The following TM6SF1 variants were observed in gnomAD, a reference collection of about 807,000 sequenced individuals.
The protein encoded by TM6SF1 is transmembrane 6 superfamily member 1.
In TM6SF1, 43 loss-of-function variants were observed where a neutral mutation model predicts 47.1. The ratio of observed to expected loss-of-function variants is 0.91; its 90% CI spans 0.72 to 1.18. TM6SF1 has a LOEUF of 1.18. Ranked by LOEUF, TM6SF1 falls within the 50% of genes most tolerant of loss-of-function variation. The pLI is 0.00. For missense variants in TM6SF1, 390 were observed against 449.0 expected, an observed-to-expected ratio of 0.87 and a Z score of 1.19; for synonymous variants, 177 against 166.3, an observed-to-expected ratio of 1.06 and a Z score of -0.49.
chr15:83,136,576 C>T lies in TM6SF1; in HGVS notation c.1017C>T (p.Asn339=). The T allele has an allele frequency of 6.2e-7, 1 of 1,613,722 alleles. No homozygotes were observed. Among genetic ancestry groups the T allele is most frequent in the Non-Finnish European group, 8.5e-7 (1 of 1,179,832 alleles). The change falls in exon 10 of 10, where the codon AAC becomes AAT. Residue 339 remains asparagine (N), a synonymous_variant. Transcript: ENST00000322019. ...CAAAAATCCTTTTTTTAGCATTAAA[C>T]ATAGCATATGGAGTTCTTCCTCAGC... is the stretch of plus-strand genomic sequence containing the variant. The part of the protein sequence containing the change: ...EEAKILFLAL[N]IAYGVLPQLL...
chr15:83,124,831 A>G, intron 7 of TM6SF1, 55 bp downstream of exon 7: 1 of 1,394,234 alleles, frequency 7.2e-7, no homozygotes, highest in Non-Finnish European at 1.0e-6. Flanking sequence ...ACATTTCCAA[A>G]TGGAAAAAAA....
chr15:83,127,640 T>G (rs1328557563), intron 9 of TM6SF1, 163 bp downstream of exon 9: 1 of 696,830 alleles, frequency 1.4e-6, no homozygotes, highest in East Asian at 2.8e-5. Flanking sequence ...AAGTACATTT[T>G]ATTTCAATCT....
At chr15:83,113,194 T>C (rs1165132157) in intron 2 of TM6SF1, 2 of 467,648 alleles carry the variant, frequency 4.3e-6, no homozygotes, top group Non-Finnish European at 3.9e-6. Context: ...ACTCTCATGC[T>C]AGCTCCTTCC....
chr15:83,112,894 T>G lies in TM6SF1; in HGVS notation c.190T>G (p.Phe64Val). The G allele has an allele frequency of 3.7e-6, 6 of 1,612,518 alleles. No homozygotes were observed. Among genetic ancestry groups the G allele is most frequent in the Non-Finnish European group, 5.1e-6 (6 of 1,178,456 alleles). ...VKRKPPRDPL[F>V]YVYAVFGFTS... is the part of the protein sequence containing the mutation. ...AAGAAAACCACCCCGGGACCCACTG[T>G]TCTATGGTACGTCTCCACAAAGGGA... Residue 64 changes from phenylalanine (F) to valine (V), a missense_variant, in exon 2 of 10, where the codon TTC becomes GTC. Transcript: ENST00000322019.
At chr15:83,133,332 AC>A (rs1464888377) in intron 9 of TM6SF1, 4 of 152,252 alleles carry the variant, frequency 2.6e-5, no homozygotes. Context: ...TGGACATATA[AC>A]ACTCTTTCAG....
chr15:83,132,447 ACT>A (rs1319264518), intron 9 of TM6SF1: 1 of 151,954 alleles, frequency 6.6e-6, no homozygotes. Flanking sequence ...CTGCCCTCAG[ACT>A]CTCTAACTCC....
At position 83,119,595 on chromosome 15, in the gene TM6SF1, C is replaced by T; in HGVS notation, c.312C>T (p.Asn104=). 1.9e-6 allele frequency: 3 copies of T among 1,614,132 alleles called. No homozygotes were observed. The highest frequency in any genetic ancestry group is 2.5e-6 in the Non-Finnish European group (3 of 1,180,008). Residue 104 remains asparagine, a synonymous_variant, in exon 4 of 10, where the codon AAC becomes AAT. Coordinates refer to ENST00000322019, the MANE Select transcript of TM6SF1 (RefSeq NM_023003.5). ...HYLREGEPYL[N]TAYGHMICYW... is the part of the protein sequence containing the mutation. Reference sequence around the variant, plus strand: ...TTCTTTAGGGTGAACCGTATCTGAACACCGCATATGGGCACATGATCTGCT... The same window carrying T: ...TTCTTTAGGGTGAACCGTATCTGAATACCGCATATGGGCACATGATCTGCT...
chr15:83,107,801 G>A lies in TM6SF1; in HGVS notation c.92+29G>A. 2 of 1,559,552 alleles carry A rather than the reference G, an allele frequency of 1.3e-6. No individual in the cohort carries two copies. Among genetic ancestry groups the A allele is most frequent in the Non-Finnish European group, 1.7e-6 (2 of 1,154,518 alleles). On this transcript the variant is annotated intron_variant, in intron 1 of 9. Transcript: ENST00000322019. This position sits in a 1 kb window ranked among gnomAD's most constrained non-coding sequence, Gnocchi z 5.6. ...AGTGAGCCGGCGCGGCGGGGGTCGC[G>A]CCGAGGGGCGGCGGGAGTTGGCTCG...
At position 83,119,656 on chromosome 15, in the gene TM6SF1, G is replaced by T. The variant is rs1348464700; in HGVS notation, c.373G>T (p.Val125Leu). The T allele has an allele frequency of 1.1e-5, 18 of 1,614,076 alleles. No homozygotes were observed. The highest frequency in any genetic ancestry group is 1.4e-5 in the Non-Finnish European group (16 of 1,180,024). The part of the protein sequence containing the change: ...DGSAHYLMYL[V>L]MVAAIAWEET... ...CTCTGCTCATTATCTGATGTACCTG[G>T]TGATGGTGGCAGCCATAGCATGGGA... Residue 125 changes from valine to leucine, a missense_variant, in exon 4 of 10, where the codon GTG becomes TTG. Physicochemically the swap from Val to Leu is conservative, Grantham distance 32. Coordinates refer to ENST00000322019, the MANE Select transcript of TM6SF1 (RefSeq NM_023003.5).
rs1250913810 is a variant in TM6SF1 at position 83,112,810 on chromosome 15, G to A, written c.106G>A (p.Val36Ile). 6.2e-7 allele frequency: 1 copy of A among 1,614,010 alleles called. No individual in the cohort carries two copies. The highest frequency in any genetic ancestry group is 8.5e-7 in the Non-Finnish European group (1 of 1,179,902). ...LAAQHDSWTI[V>I]GVAALILFLV... The stretch of plus-strand genomic sequence containing the variant: ...TGGTCGTTGCAGTTCCTGGACTATT[G>A]TAGGGGTTGCTGCCCTCATCCTGTT... Residue 36 changes from valine (V) to isoleucine (I), a missense_variant, in exon 2 of 10, where the codon GTA becomes ATA. Transcript: ENST00000322019.
intron 4 of TM6SF1, among the ~76,000 whole-genome samples, chr15:83,120,328 G>C (rs1023458912): frequency 3.9e-5 from 6 of 152,214 alleles, no homozygotes; most frequent in African/African-American, 1.4e-4. Flanking sequence ...TGAAGTGAAC[G>C]ACGTGCTCTT....
At chr15:83,125,585 C>A (rs184791312) in intron 7 of TM6SF1, among the ~76,000 whole-genome samples, 1 of 152,266 alleles carries the variant, frequency 6.6e-6, no homozygotes. Flanking sequence ...TTTTATTGAT[C>A]AGTGATCCTT....
intron 9 of TM6SF1, chr15:83,127,696 GAA>G: frequency 2.3e-6 from 1 of 441,372 alleles, no homozygotes; most frequent in Non-Finnish European, 4.0e-6. Flanking sequence ...CACAGATGAG[GAA>G]GTTATCTGTG....
intron 9 of TM6SF1, chr15:83,133,890 G>T (rs912268294): frequency 6.6e-6 from 1 of 152,246 alleles, no homozygotes; most frequent in Non-Finnish European, 1.5e-5. Context: ...CACTCAGCTG[G>T]AAGTGTGGCC....
intron 3 of TM6SF1, 70 bp downstream of exon 3, chr15:83,116,012 C>T: frequency 8.4e-7 from 1 of 1,191,626 alleles, no homozygotes; most frequent in Non-Finnish European, 1.3e-6. Context: ...TACTCAGAGA[C>T]AGAAATCCTC....
intron 8 of TM6SF1, 107 bp from the exon 9 acceptor site, chr15:83,127,251 T>A: frequency 6.0e-6 from 7 of 1,167,904 alleles, no homozygotes; most frequent in Admixed American, 2.9e-5. Flanking sequence ...ATATAGGAAA[T>A]AGGAATTAAT....
At chr15:83,119,752 A>T (rs2035048178) in intron 4 of TM6SF1, 71 bp downstream of exon 4, 1 of 1,603,668 alleles carries the variant, frequency 6.2e-7, no homozygotes, top group South Asian at 1.1e-5. Context: ...AGGAAACGTT[A>T]TGCATAGAGG....
chr15:83,134,662 AT>A (rs1285626674), intron 9 of TM6SF1: 1 of 152,210 alleles, frequency 6.6e-6, no homozygotes. Context: ...AACTGCTCAT[AT>A]TTATTCTCTC....
rs1481438841 is a variant in TM6SF1, at chr15:83,136,950, T to C, written c.*278T>C. On this transcript the variant is annotated 3_prime_UTR_variant, in exon 10 of 10. Transcript: ENST00000322019. ...TATTGTTTGACATATAAAATAATTA[T>C]AAGTGTAAAAAATTACAATTTAGTG... The C allele has an allele frequency of 8.5e-6, 2 of 233,926 alleles. No homozygotes were observed. The highest frequency in any genetic ancestry group is 8.3e-6 in the Non-Finnish European group (1 of 120,402). 14.5% of individuals were successfully genotyped at this position (233,926 alleles called of 1,614,324 possible). A position where few individuals can be genotyped will look rare whatever the true frequency, so the allele number is the denominator to read the frequency against.
Sources: allele counts gnomAD v4.1 joint callset (sites outside exome capture counted in the v4.1 genomes callset), GRCh38; gene constraint gnomAD v4.1.1; non-coding constraint Gnocchi (gnomAD v3.1); transcripts MANE v1.5; gene names NCBI Gene and HGNC (gene_info 2026-07-23, HGNC 2026-07-21).